The following PCDHA13 variants were observed in gnomAD, a reference collection of about 807,000 sequenced individuals.
The protein encoded by PCDHA13 is protocadherin alpha 13.
PCDHA13 carries 54 observed loss-of-function variants against 64.8 expected under a neutral mutation model. The ratio of observed to expected loss-of-function variants is 0.83; its 90% CI spans 0.67 to 1.04. The LOEUF (loss-of-function observed/expected upper bound fraction) is 1.04, where lower values mean the gene tolerates loss of function less well. PCDHA13 is among the 50% of genes least tolerant of loss of function. The probability of loss-of-function intolerance (pLI) is 0.00; values close to 1 mark genes in which losing one functional copy is unlikely to be tolerated. For missense variants in PCDHA13, 1,248 were observed against 1,254.3 expected, an observed-to-expected ratio of 0.99 and a Z score of 0.08; for synonymous variants, 587 against 564.4, an observed-to-expected ratio of 1.04 and a Z score of -0.57.
At chr5:140,935,310 C>T (rs569890065) in intron 1 of PCDHA13, among the ~76,000 whole-genome samples, 2 of 152,200 alleles carry the variant, frequency 1.3e-5, no homozygotes, top group Non-Finnish European at 2.9e-5. Flanking sequence ...TACTTAACTT[C>T]ATCAATCTTA....
intron 1 of PCDHA13, among the ~76,000 whole-genome samples, chr5:140,904,904 C>G (rs1463349424): frequency 6.6e-6 from 1 of 151,948 alleles, no homozygotes; most frequent in Non-Finnish European, 1.5e-5. Context: ...GTTTTTCTTA[C>G]TGATTTGTTT....
rs148644909 is a variant in PCDHA13 at position 140,882,771 on chromosome 5, T to C, written c.503T>C (p.Leu168Ser). The C allele has an allele frequency of 1.2e-5, 19 of 1,614,110 alleles. No homozygotes were observed. Among genetic ancestry groups the C allele is most frequent in the Non-Finnish European group, 1.6e-5 (19 of 1,180,052 alleles). The change falls in exon 1 of 4, where the codon TTG (leucine) becomes TCG (serine). Residue 168 changes from leucine (L) to serine (S), a missense_variant. Coordinates refer to ENST00000289272, the MANE Select transcript of PCDHA13 (RefSeq NM_018904.3). ...GCAGATATTGGAGTAAACTCGGCAT[T>C]GACCTACCGACTGGATCCCAACGAT... Reference protein sequence around the residue: ...SDADIGVNSALTYRLDPNDYF... With the variant: ...SDADIGVNSASTYRLDPNDYF...
chr5:140,884,239 C>T lies in PCDHA13; in HGVS notation c.1971C>T (p.Pro657=). Residue 657 remains proline, a synonymous_variant, in exon 1 of 4, where the codon CCC becomes CCT. Transcript: ENST00000289272. ...LLVLVKDHGE[P]ALTATATVLL... ...TGCTGGTGAAGGACCACGGTGAGCC[C>T]GCGCTGACGGCCACGGCAACGGTGC... 6.2e-7 allele frequency: 1 copy of T among 1,613,424 alleles called. No homozygotes were observed. The highest frequency in any genetic ancestry group is 8.5e-7 in the Non-Finnish European group (1 of 1,179,714).
At chr5:140,965,657 T>TA (rs2095920205) in intron 1 of PCDHA13, among the ~76,000 whole-genome samples, 2 of 152,196 alleles carry the variant, frequency 1.3e-5, no homozygotes, top group Non-Finnish European at 2.9e-5. Context: ...AGAAAATGTC[T>TA]TGGGTGATAA....
chr5:140,932,607 T>C (rs555006363), intron 1 of PCDHA13, among the ~76,000 whole-genome samples: 8 of 152,052 alleles, frequency 5.3e-5, no homozygotes, highest in Non-Finnish European at 7.4e-5. Flanking sequence ...CTATTTTGAC[T>C]TTGAAGCTGA....
At chr5:140,890,596 C>T (rs1236261988) in intron 1 of PCDHA13, among the ~76,000 whole-genome samples, 5 of 152,064 alleles carry the variant, frequency 3.3e-5, no homozygotes, top group African/African-American at 1.2e-4. Context: ...AGCCCTTTTC[C>T]GAATAGCTAG....
At chr5:140,928,994 T>G (rs781964406) in intron 1 of PCDHA13, 2 of 1,613,992 alleles carry the variant, frequency 1.2e-6, no homozygotes, top group Admixed American at 3.3e-5. Flanking sequence ...TGCTTACTTT[T>G]CTTCGTGTGT....
At chr5:140,943,690 CA>C (rs2093548144) in intron 1 of PCDHA13, among the ~76,000 whole-genome samples, 1 of 151,974 alleles carries the variant, frequency 6.6e-6, no homozygotes, top group Non-Finnish European at 1.5e-5. Context: ...GGGATAAGGT[CA>C]AAATATTGTG....
intron 3 of PCDHA13, among the ~76,000 whole-genome samples, chr5:140,999,223 G>A (rs1554256702): frequency 3.3e-5 from 5 of 152,316 alleles, no homozygotes; most frequent in African/African-American, 1.2e-4. Flanking sequence ...TACTACATTT[G>A]AGAATAGGTG....
chr5:140,904,706 A>G (rs1554191662), intron 1 of PCDHA13, among the ~76,000 whole-genome samples: 2 of 151,982 alleles, frequency 1.3e-5, no homozygotes, highest in South Asian at 2.1e-4. Flanking sequence ...TTCCCTTTTC[A>G]CCACATTCTG....
chr5:140,969,631 G>C (rs1554231956), intron 1 of PCDHA13: 1 of 227,796 alleles, frequency 4.4e-6, no homozygotes, highest in Non-Finnish European at 7.3e-6. Flanking sequence ...AAACAGGACA[G>C]GCCTTGGAAT....
rs1587841717 is a variant in PCDHA13, at chr5:140,999,568, GA to G, written c.2543-10058del. On this transcript the variant is annotated intron_variant, in intron 3 of 3. Transcript: ENST00000289272. ...ATGAAGAGGGGGTATTTTGAGAAGA[GA>G]CTATAAAGGGAAATTGCCTTCCCTA... Among the ~76,000 whole-genome samples the G allele has an allele frequency of 2.0e-5, 3 of 152,084 alleles. No homozygotes were observed. In the South Asian group the frequency reaches 6.2e-4, roughly 32 times the overall value.
intron 1 of PCDHA13, among the ~76,000 whole-genome samples, chr5:140,894,199 GC>G (rs2064359112): frequency 6.6e-6 from 1 of 151,732 alleles, no homozygotes; most frequent in Admixed American, 6.6e-5. Context: ...TTTTTTCTAT[GC>G]TATTATATTC....
At chr5:140,886,638 C>T (rs1282922977) in intron 1 of PCDHA13, among the ~76,000 whole-genome samples, 4 of 151,738 alleles carry the variant, frequency 2.6e-5, no homozygotes, top group South Asian at 2.1e-4. Flanking sequence ...CCAGCCTGGC[C>T]AACATGGTGA....
intron 1 of PCDHA13, among the ~76,000 whole-genome samples, chr5:140,956,942 A>G (rs2153711637): frequency 6.7e-6 from 1 of 148,840 alleles, no homozygotes; most frequent in Admixed American, 6.8e-5. Flanking sequence ...GATAAAATTT[A>G]CATTAAAACA....
chr5:140,917,067 C>T (rs375970452), intron 1 of PCDHA13, among the ~76,000 whole-genome samples: 3 of 152,178 alleles, frequency 2.0e-5, no homozygotes, highest in African/African-American at 4.8e-5. Context: ...ACGACAGCAC[C>T]GAGTTTAATG....
chr5:141,001,069 C>T (rs1422093659), intron 3 of PCDHA13, among the ~76,000 whole-genome samples: 15 of 152,106 alleles, frequency 9.9e-5, no homozygotes, highest in African/African-American at 3.1e-4. Flanking sequence ...AAATTAAATA[C>T]ATGCAAAATA....
chr5:140,942,629 A>C (rs1401408646), intron 1 of PCDHA13, among the ~76,000 whole-genome samples: 1 of 152,076 alleles, frequency 6.6e-6, no homozygotes, highest in Non-Finnish European at 1.5e-5. Flanking sequence ...TAAAAAAAAA[A>C]ATGGCAAAAG....
chr5:140,966,374 C>G (rs2095995934), intron 1 of PCDHA13: 1 of 405,056 alleles, frequency 2.5e-6, no homozygotes, highest in South Asian at 1.3e-4. Flanking sequence ...GCTGAGCAGT[C>G]CGGGTTCGCT....
Sources: gnomAD v4.1 joint callset for allele counts (sites outside exome capture counted in the v4.1 genomes callset) on GRCh38, gnomAD v4.1.1 for gene constraint, MANE v1.5 for transcripts, NCBI Gene and HGNC (gene_info 2026-07-23, HGNC 2026-07-21) for gene names.